The following ARAP2 variants were observed in gnomAD, a reference collection of about 807,000 sequenced individuals.
ARAP2 encodes arf-GAP with Rho-GAP domain, ANK repeat and PH domain-containing protein 2.
Under a neutral mutation model 194.5 loss-of-function variants are expected in ARAP2, and 148 were observed. That is an observed-to-expected ratio of 0.76 (90% CI 0.67 to 0.87). ARAP2 has a LOEUF of 0.87. ARAP2 is among the 40% of genes least tolerant of loss of function. The pLI is 0.00. For missense variants in ARAP2, 2,128 were observed against 1,989.7 expected (o/e 1.07, Z -1.32); for synonymous variants, 695 against 683.5 (o/e 1.02, Z -0.26).
chr4:36,102,108 A>G lies in ARAP2; in HGVS notation c.4285+5457T>C, dbSNP rs566079246. Among the ~76,000 whole-genome samples the G allele has an allele frequency of 3.3e-5, 5 of 152,094 alleles. No individual in the cohort carries two copies. In the South Asian group the frequency reaches 1.0e-3, roughly 32 times the overall value. ...TAACACTAAAATTGCATGACTTAGT[A>G]TTCTGCCAAGGCTAAAACCACTTTC... On this transcript the variant is annotated intron_variant, in intron 27 of 32. Transcript: ENST00000303965.
chr4:36,057,511 A>G (rs1723721345), intron 2 of ARAP2, among the ~76,000 whole-genome samples: 1 of 152,004 alleles, frequency 6.6e-6, no homozygotes, highest in Non-Finnish European at 1.5e-5. Context: ...ACATTTTAAC[A>G]GTGTCTCACA....
At chr4:36,084,359 G>A (rs533028795) in intron 28 of ARAP2, among the ~76,000 whole-genome samples, 13 of 152,070 alleles carry the variant, frequency 8.5e-5, no homozygotes, top group African/African-American at 2.9e-4. Context: ...ATGTTGACTG[G>A]GGTAGTACCT....
At chr4:36,199,282 C>T (rs1743860387) in intron 6 of ARAP2, among the ~76,000 whole-genome samples, 2 of 152,226 alleles carry the variant, frequency 1.3e-5, no homozygotes, top group Non-Finnish European at 2.9e-5. Context: ...TTTCAAAATA[C>T]ATTTTAGAAT....
At chr4:36,234,553 T>C (rs1752105290) in intron 1 of ARAP2, among the ~76,000 whole-genome samples, 1 of 152,214 alleles carries the variant, frequency 6.6e-6, no homozygotes, top group Non-Finnish European at 1.5e-5. Flanking sequence ...GTAATATAAA[T>C]GCCAAGACTC....
intron 10 of ARAP2, chr4:36,006,466 G>A (rs1713298629): frequency 6.6e-6 from 1 of 152,190 alleles, no homozygotes; most frequent in African/African-American, 2.4e-5. Flanking sequence ...CGTGTGGTTA[G>A]TGTGTAGTAG....
At chr4:36,051,458 CAGACCA>C (rs1476546271) in intron 3 of ARAP2, among the ~76,000 whole-genome samples, 1 of 151,898 alleles carries the variant, frequency 6.6e-6, no homozygotes, top group Non-Finnish European at 1.5e-5. Flanking sequence ...GCCTGGGCGA[CAGACCA>C]AGACTCCATT....
intron 9 of ARAP2, among the ~76,000 whole-genome samples, chr4:36,007,772 TTTTTG>T (rs958497553): frequency 2.0e-5 from 3 of 152,276 alleles, no homozygotes; most frequent in East Asian, 3.9e-4. Context: ...TTTCATTTCT[TTTTTG>T]TTTTGTTTTG....
At chr4:36,241,664 C>A (rs976861928) in intron 1 of ARAP2, among the ~76,000 whole-genome samples, 1 of 151,992 alleles carries the variant, frequency 6.6e-6, no homozygotes, top group African/African-American at 2.4e-5. Context: ...TAAACAATAC[C>A]AAAGACACCA....
chr4:36,117,223 C>A (rs1436747431), intron 24 of ARAP2, 88 bp from the exon 25 acceptor site: 10 of 877,724 alleles, frequency 1.1e-5, no homozygotes, highest in Non-Finnish European at 1.6e-5. Flanking sequence ...AAGCCCCAGT[C>A]ATATTTCTGA....
At chr4:36,025,980 G>T (rs1257161351) in intron 5 of ARAP2, among the ~76,000 whole-genome samples, 1 of 151,862 alleles carries the variant, frequency 6.6e-6, no homozygotes, top group Non-Finnish European at 1.5e-5. Context: ...AGTTAGAAAT[G>T]GTTTATCTTC....
At chr4:36,064,202 CTT>C (rs1449408272), downstream of ARAP2, among the ~76,000 whole-genome samples, 1 of 70,532 alleles carries the variant, frequency 1.4e-5, no homozygotes, top group Non-Finnish European at 2.6e-5. Context: ...TTGTTTTTTT[CTT>C]TCTTTTTTTT....
chr4:36,210,786 G>C, intron 5 of ARAP2, 43 bp from the exon 6 acceptor site: 2 of 1,339,378 alleles, frequency 1.5e-6, no homozygotes, highest in Non-Finnish European at 2.0e-6. Flanking sequence ...TGCTATATGT[G>C]ATTTAAGACA....
At chr4:36,105,036 A>G (rs1718006461) in intron 27 of ARAP2, among the ~76,000 whole-genome samples, 1 of 152,034 alleles carries the variant, frequency 6.6e-6, no homozygotes, top group Admixed American at 6.6e-5. Context: ...AGAGTGACAC[A>G]GAAGTTTACT....
intron 9 of ARAP2, among the ~76,000 whole-genome samples, chr4:36,176,563 A>T (rs940032444): frequency 6.6e-6 from 1 of 152,280 alleles, no homozygotes; most frequent in African/African-American, 2.4e-5. Flanking sequence ...TTGGCAGAGT[A>T]ACTTCCATAC....
chr4:36,044,155 G>T (rs1309191516), intron 5 of ARAP2, among the ~76,000 whole-genome samples: 1 of 152,120 alleles, frequency 6.6e-6, no homozygotes, highest in Non-Finnish European at 1.5e-5. Flanking sequence ...GATGTGGAAA[G>T]AGTGATCATA....
At chr4:36,098,333 C>T (rs1025474886) in intron 27 of ARAP2, among the ~76,000 whole-genome samples, 2 of 152,080 alleles carry the variant, frequency 1.3e-5, no homozygotes, top group African/African-American at 4.8e-5. Flanking sequence ...CCATTGTTAT[C>T]ACCCTACACA....
chr4:36,218,565 T>TCCTA (rs1748494206), intron 2 of ARAP2, among the ~76,000 whole-genome samples: 1 of 152,054 alleles, frequency 6.6e-6, no homozygotes, highest in African/African-American at 2.4e-5. Context: ...GAAAATTTAC[T>TCCTA]CCTACCTCAG....
At chr4:36,140,721 A>G (rs1328927149) in intron 19 of ARAP2, among the ~76,000 whole-genome samples, 1 of 151,704 alleles carries the variant, frequency 6.6e-6, no homozygotes, top group East Asian at 1.9e-4. Context: ...CTAATCTCCC[A>G]AACTGAGAAA....
At chr4:36,010,585 A>G (rs1161264649) in intron 9 of ARAP2, among the ~76,000 whole-genome samples, 1 of 152,148 alleles carries the variant, frequency 6.6e-6, no homozygotes, top group Non-Finnish European at 1.5e-5. Context: ...ATCAAAGACA[A>G]CAATTCTCTC....
Sources: allele counts gnomAD v4.1 joint callset (sites outside exome capture counted in the v4.1 genomes callset), GRCh38; gene constraint gnomAD v4.1.1; transcripts MANE v1.5; gene names NCBI Gene and HGNC (gene_info 2026-07-23, HGNC 2026-07-21).